The following DHDDS variants were observed in gnomAD, a reference collection of about 807,000 sequenced individuals.
DHDDS encodes the protein dehydrodolichyl diphosphate synthase complex subunit DHDDS.
In DHDDS, 16 loss-of-function variants were observed where a neutral mutation model predicts 46.2. That is an observed-to-expected ratio of 0.35 (90% CI 0.23 to 0.53). The LOEUF is 0.53. DHDDS is among the 20% of genes least tolerant of loss of function. DHDDS has a pLI of 0.94. For synonymous variants in DHDDS, 151 were observed against 163.1 expected (o/e 0.93, Z 0.56); for missense variants, 340 against 423.7 (o/e 0.80, Z 1.73).
At chr1:26,446,292 AT>A (rs769447716) in intron 4 of DHDDS, 23 bp from the exon 5 acceptor site, 2 of 1,611,050 alleles carry the variant, frequency 1.2e-6, no homozygotes, top group South Asian at 2.2e-5. Flanking sequence ...CCCTATCCCA[AT>A]GCTGCCTCTT....
chr1:26,468,807 C>CCT, intron 8 of DHDDS, 88 bp from the exon 9 acceptor site: 4 of 1,186,202 alleles, frequency 3.4e-6, no homozygotes, highest in Admixed American at 2.1e-5. Flanking sequence ...TTGGCCCACC[C>CCT]TGTGCCCCAC....
At chr1:26,445,190 A>C (rs1444777454) in intron 4 of DHDDS, among the ~76,000 whole-genome samples, 1 of 152,220 alleles carries the variant, frequency 6.6e-6, no homozygotes, top group Non-Finnish European at 1.5e-5. Flanking sequence ...TAAGGATGGA[A>C]TGTGTTGGTA....
At chr1:26,459,437 A>G (rs77168301) in intron 7 of DHDDS, among the ~76,000 whole-genome samples, 2,101 of 152,332 alleles carry the variant, frequency 0.014, 71 homozygotes, top group East Asian at 0.13. Flanking sequence ...TTTGCTATGC[A>G]TATGTTATCT....
At position 26,442,385 on chromosome 1, in the gene DHDDS, CA is replaced by C. The variant is rs1315424138; in HGVS notation, c.181-344del. On this transcript the variant is annotated intron_variant, in intron 3 of 8. Transcript: ENST00000236342. Reference sequence around the variant, plus strand: ...TCCCATATTACAGGTAAGGAGACTTCAACCTAGAGAAATTAAATGATTTGAT... The same window carrying C: ...TCCCATATTACAGGTAAGGAGACTTCACCTAGAGAAATTAAATGATTTGAT... Among the ~76,000 whole-genome samples, 5 of 152,282 alleles carry C rather than the reference CA, an allele frequency of 3.3e-5. No homozygotes were observed. In the East Asian group the frequency reaches 9.6e-4, roughly 29 times the overall value.
chr1:26,442,663 A>G (rs2075229901), intron 3 of DHDDS, 68 bp from the exon 4 acceptor site: 2 of 1,605,190 alleles, frequency 1.2e-6, no homozygotes, highest in Non-Finnish European at 8.5e-7. Context: ...GTCAGGACCA[A>G]AAAGTATCTC....
At chr1:26,459,160 C>G (rs373585673) in intron 7 of DHDDS, among the ~76,000 whole-genome samples, 1 of 152,314 alleles carries the variant, frequency 6.6e-6, no homozygotes, top group Admixed American at 6.5e-5. Context: ...TGATAACAGG[C>G]AGCTCTAATC....
chr1:26,468,273 G>A (rs899863386), intron 8 of DHDDS, among the ~76,000 whole-genome samples: 3 of 152,170 alleles, frequency 2.0e-5, no homozygotes, highest in African/African-American at 4.8e-5. Context: ...TCATACAGGA[G>A]GCAAGTCTGG....
Position 26,447,181 on chromosome 1 carries a change from G to A in DHDDS, c.441-378G>A, listed in dbSNP as rs370966921. On this transcript the variant is annotated intron_variant, in intron 5 of 8. Transcript: ENST00000236342. ...CTAAAAATACAAAAATTAGCCAGGT[G>A]TGGTGGTGTGCACCTGTAATCCCAG... is the stretch of plus-strand genomic sequence containing the variant. Among the ~76,000 whole-genome samples the A allele has an allele frequency of 5.3e-5, 8 of 152,028 alleles. No individual in the cohort carries two copies. In the East Asian group the frequency reaches 5.8e-4, roughly 11 times the overall value.
chr1:26,444,125 G>A (rs774043150), intron 4 of DHDDS, among the ~76,000 whole-genome samples: 2 of 152,154 alleles, frequency 1.3e-5, no homozygotes, highest in South Asian at 2.1e-4. Context: ...AGATCAAAAC[G>A]CATGGCAGAA....
intron 8 of DHDDS, among the ~76,000 whole-genome samples, chr1:26,465,706 ATG>A (rs2075478203): frequency 6.6e-6 from 1 of 152,162 alleles, no homozygotes; most frequent in African/African-American, 2.4e-5. Flanking sequence ...TGTTCCCCAC[ATG>A]TGTGTCTCTT....
At chr1:26,456,955 T>G (rs2075375277) in intron 6 of DHDDS, among the ~76,000 whole-genome samples, 1 of 152,236 alleles carries the variant, frequency 6.6e-6, no homozygotes, top group African/African-American at 2.4e-5. Flanking sequence ...TTTAGATTTA[T>G]CTTTATTTTT....
intron 2 of DHDDS, among the ~76,000 whole-genome samples, chr1:26,435,790 T>G (rs2075148900): frequency 6.6e-6 from 1 of 152,020 alleles, no homozygotes; most frequent in Non-Finnish European, 1.5e-5. Context: ...AATTTTTGTA[T>G]TTTTAGTAGA....
intron 8 of DHDDS, among the ~76,000 whole-genome samples, chr1:26,466,722 C>G (rs2075492678): frequency 2.0e-5 from 3 of 152,198 alleles, no homozygotes; most frequent in Non-Finnish European, 4.4e-5. Flanking sequence ...TGAGCGTCCC[C>G]CATCCTTTCT....
At chr1:26,445,789 G>C (rs973208752) in intron 4 of DHDDS, among the ~76,000 whole-genome samples, 1 of 151,760 alleles carries the variant, frequency 6.6e-6, no homozygotes, top group African/African-American at 2.4e-5. Context: ...TTGGGAGGCC[G>C]AGACAGGCAG....
At position 26,442,856 on chromosome 1, in the gene DHDDS, C is replaced by G; in HGVS notation, c.306C>G (p.Ser102Arg). 1.9e-6 allele frequency: 3 copies of G among 1,614,080 alleles called. No homozygotes were observed. Among genetic ancestry groups the G allele is most frequent in the Non-Finnish European group, 2.5e-6 (3 of 1,180,018 alleles). Residue 102 changes from serine (S) to arginine (R), a missense_variant, in exon 4 of 9, where the codon AGC becomes AGG. Ser to Arg is a moderately radical substitution (Grantham distance 110). This residue lies in a region of DHDDS where 268 missense variants were observed against 300.3 expected (regional missense o/e 0.89). Transcript: ENST00000236342. The part of the protein sequence containing the change: ...GLMDLARQKF[S>R]RLMEEKEKLQ... ...TGGATCTGGCCCGGCAGAAGTTCAG[C>G]CGCTTGATGGAAGAAAAGTAAGATG...
chr1:26,447,932 G>C (rs1256269732), intron 6 of DHDDS: 2 of 593,310 alleles, frequency 3.4e-6, no homozygotes, highest in Non-Finnish European at 6.0e-6. Flanking sequence ...AAAGATTTAA[G>C]GGGATCTCCC....
intron 2 of DHDDS, among the ~76,000 whole-genome samples, chr1:26,436,260 G>A (rs973590889): frequency 6.6e-6 from 1 of 152,100 alleles, no homozygotes; most frequent in Non-Finnish European, 1.5e-5. Context: ...TTAGCTGGGT[G>A]TGGTGGTGTA....
At chr1:26,455,107 C>G (rs770736190) in intron 6 of DHDDS, 2 of 801,378 alleles carry the variant, frequency 2.5e-6, no homozygotes, top group Non-Finnish European at 2.3e-6. Flanking sequence ...CACGAATATT[C>G]TTAAAGTAAA....
intron 8 of DHDDS, chr1:26,467,502 AACCTTTATTGCTGAGAG>A (rs2075504483): frequency 2.8e-6 from 1 of 360,678 alleles, no homozygotes; most frequent in Non-Finnish European, 6.0e-6. Flanking sequence ...TCATGCAGTA[AACCTTTATTGCTGAGAG>A]ACAGCAAATC....
Sources: gnomAD v4.1 joint callset for allele counts (sites outside exome capture counted in the v4.1 genomes callset) on GRCh38, gnomAD v4.1.1 for gene constraint, gnomAD v4.1.1 regional missense constraint, MANE v1.5 for transcripts, NCBI Gene and HGNC (gene_info 2026-07-23, HGNC 2026-07-21) for gene names.